Variants in RSRC1 observed in about 807,000 individuals in gnomAD.
RSRC1 encodes the protein serine/Arginine-related protein 53.
A neutral mutation model predicts 49.1 loss-of-function variants in RSRC1; 39 were observed. The observed-to-expected ratio is 0.79, with a 90% CI of 0.61 to 1.04. The LOEUF is 1.04. Among genes scored for constraint, RSRC1 ranks in the 50% least tolerant of loss-of-function variants. RSRC1 has a pLI of 0.00. For missense variants in RSRC1, 388 were observed against 402.4 expected, an observed-to-expected ratio of 0.96 and a Z score of 0.31; for synonymous variants, 143 against 130.8, an observed-to-expected ratio of 1.09 and a Z score of -0.63.
chr3:158,188,193 C>G (rs80137104), intron 3 of RSRC1, among the ~76,000 whole-genome samples: 1 of 151,754 alleles, frequency 6.6e-6, no homozygotes, highest in Non-Finnish European at 1.5e-5. Context: ...TCTTTCTCCC[C>G]CTGTGTGATA....
chr3:158,332,482 G>A (rs1729608265), intron 5 of RSRC1, among the ~76,000 whole-genome samples: 1 of 152,082 alleles, frequency 6.6e-6, no homozygotes, highest in South Asian at 2.1e-4. Context: ...GGTGTCAAAA[G>A]TTAGATTACA....
At chr3:158,503,653 T>C (rs1324114458) in intron 7 of RSRC1, among the ~76,000 whole-genome samples, 1 of 152,054 alleles carries the variant, frequency 6.6e-6, no homozygotes, top group Non-Finnish European at 1.5e-5. Context: ...TCATGCAGGT[T>C]GTTACGGAAG....
chr3:158,451,563 C>G (rs1737034119), intron 6 of RSRC1, among the ~76,000 whole-genome samples: 1 of 151,904 alleles, frequency 6.6e-6, no homozygotes. Context: ...TTACAACTGC[C>G]TTAGTACTTA....
chr3:158,136,534 C>A (rs921760289), intron 3 of RSRC1, among the ~76,000 whole-genome samples: 2 of 149,088 alleles, frequency 1.3e-5, no homozygotes, highest in African/African-American at 5.2e-5. Flanking sequence ...TGATTAATAG[C>A]TTTCAGAGGT....
intron 3 of RSRC1, among the ~76,000 whole-genome samples, chr3:158,147,203 G>A (rs1219808512): frequency 6.2e-5 from 8 of 128,310 alleles, no homozygotes; most frequent in Admixed American, 5.7e-4. Context: ...ATCTCTACCC[G>A]CTAAAAGGAA....
chr3:158,446,592 G>A (rs1736735433), intron 6 of RSRC1, among the ~76,000 whole-genome samples: 2 of 151,722 alleles, frequency 1.3e-5, no homozygotes, highest in African/African-American at 4.8e-5. Context: ...TTTTAATCCA[G>A]GAAAATTTTA....
chr3:158,255,112 T>C (rs942930614), intron 4 of RSRC1, among the ~76,000 whole-genome samples: 4 of 152,234 alleles, frequency 2.6e-5, no homozygotes, highest in Non-Finnish European at 4.4e-5. Context: ...CCATTGCTTT[T>C]GGTGTTTTAG....
intron 5 of RSRC1, among the ~76,000 whole-genome samples, chr3:158,301,991 GT>G (rs35843326): frequency 0.43 from 61,698 of 142,634 alleles, 13,354 homozygotes; most frequent in East Asian, 0.65. Context: ...GGGTTTTTTT[GT>G]TTTTTTTTTT....
chr3:158,372,283 G>T (rs982991652), intron 6 of RSRC1, among the ~76,000 whole-genome samples: 1 of 151,796 alleles, frequency 6.6e-6, no homozygotes, highest in Non-Finnish European at 1.5e-5. Flanking sequence ...TTCTTCTAGA[G>T]TTTTTATAGT....
chr3:158,328,839 C>G (rs1264204643), intron 5 of RSRC1, among the ~76,000 whole-genome samples: 1 of 152,212 alleles, frequency 6.6e-6, no homozygotes, highest in Non-Finnish European at 1.5e-5. Context: ...TGTTTTCCAG[C>G]TTGGTTCCAT....
At chr3:158,227,497 G>C (rs1321596984) in intron 4 of RSRC1, among the ~76,000 whole-genome samples, 2 of 151,046 alleles carry the variant, frequency 1.3e-5, no homozygotes, top group Non-Finnish European at 2.9e-5. Context: ...ATAAACCTTT[G>C]TGCAAAGGAA....
At chr3:158,419,811 T>C (rs1180163306) in intron 6 of RSRC1, among the ~76,000 whole-genome samples, 1 of 122,336 alleles carries the variant, frequency 8.2e-6, no homozygotes, top group Non-Finnish European at 1.7e-5. Flanking sequence ...ATAGACACTT[T>C]AAATCTAGCA....
chr3:158,351,671 A>G (rs1427767429), intron 5 of RSRC1, among the ~76,000 whole-genome samples: 1 of 151,862 alleles, frequency 6.6e-6, no homozygotes, highest in Non-Finnish European at 1.5e-5. Context: ...TTTCCTGAGT[A>G]TCCTAGTGAT....
At chr3:158,426,467 T>C (rs138752399) in intron 6 of RSRC1, among the ~76,000 whole-genome samples, 237 of 151,680 alleles carry the variant, frequency 1.6e-3, no homozygotes, top group Non-Finnish European at 2.0e-3. Flanking sequence ...CACAGCCTCT[T>C]TGGGAACCGC....
At chr3:158,214,724 T>G (rs1016828243) in intron 4 of RSRC1, among the ~76,000 whole-genome samples, 1 of 151,856 alleles carries the variant, frequency 6.6e-6, no homozygotes, top group Non-Finnish European at 1.5e-5. Context: ...TTCAAGTGTT[T>G]GGAGATTTCC....
At chr3:158,263,999 G>A (rs912844909) in intron 4 of RSRC1, among the ~76,000 whole-genome samples, 4 of 151,944 alleles carry the variant, frequency 2.6e-5, no homozygotes, top group African/African-American at 7.3e-5. Flanking sequence ...TGTTTTCATC[G>A]ATTTTTCTCT....
chr3:158,237,952 C>G (rs1469239362), intron 4 of RSRC1, among the ~76,000 whole-genome samples: 2 of 151,914 alleles, frequency 1.3e-5, no homozygotes, highest in Admixed American at 6.6e-5. Context: ...ATAAATAGCT[C>G]CTATTATTTT....
At chr3:158,189,331 G>A (rs949309360) in intron 3 of RSRC1, among the ~76,000 whole-genome samples, 27 of 151,906 alleles carry the variant, frequency 1.8e-4, no homozygotes, top group South Asian at 1.5e-3. Context: ...TTAACCATGT[G>A]TTCAAATCTT....
intron 5 of RSRC1, among the ~76,000 whole-genome samples, chr3:158,335,985 C>T (rs1729860726): frequency 6.6e-6 from 1 of 152,218 alleles, no homozygotes; most frequent in African/African-American, 2.4e-5. Flanking sequence ...TCCTCTCAGT[C>T]AGGCTGACTG....
Sources: allele counts gnomAD v4.1 joint callset (sites outside exome capture counted in the v4.1 genomes callset), GRCh38; gene constraint gnomAD v4.1.1; transcripts MANE v1.5; gene names NCBI Gene and HGNC (gene_info 2026-07-23, HGNC 2026-07-21).